The following GPR137B variants were observed in gnomAD, a reference collection of about 807,000 sequenced individuals.
GPR137B encodes G protein-coupled receptor 137B.
A neutral mutation model predicts 42.5 loss-of-function variants in GPR137B; 42 were observed. The ratio of observed to expected loss-of-function variants is 0.99; its 90% confidence interval spans 0.77 to 1.28. The LOEUF is 1.28. Ranked by LOEUF, GPR137B falls within the 50% of genes most tolerant of loss-of-function variation. The pLI is 0.00. For missense variants in GPR137B, 487 were observed against 493.9 expected (o/e 0.99, Z 0.13); for synonymous variants, 218 against 209.7 (o/e 1.04, Z -0.34).
chr1:236,182,988 C>T (rs1012260245), intron 4 of GPR137B, among the ~76,000 whole-genome samples: 1 of 152,060 alleles, frequency 6.6e-6, no homozygotes, highest in Non-Finnish European at 1.5e-5. Context: ...AAGAAGCATG[C>T]GTAGTTTTGG....
intron 5 of GPR137B, among the ~76,000 whole-genome samples, chr1:236,201,103 G>A (rs1360418715): frequency 6.6e-6 from 1 of 151,888 alleles, no homozygotes; most frequent in Non-Finnish European, 1.5e-5. Context: ...TTGTTTTGCT[G>A]GATACAGAAT....
Position 236,142,594 on chromosome 1 carries a change from C to T in GPR137B, c.-29C>T, listed in dbSNP as rs1354269047. The T allele has an allele frequency of 2.3e-6, 3 of 1,283,044 alleles. No individual in the cohort carries two copies. The highest frequency in any genetic ancestry group is 2.9e-4 in the Middle Eastern group (1 of 3,460). The allele number at this position is 1,283,044 out of a possible 1,614,324, so 79.5% of individuals were successfully genotyped here. On this transcript the variant is annotated 5_prime_UTR_variant, in exon 1 of 7. Transcript: ENST00000366592. ...GCTGAGCGCGATGCGCGGAGACCCC[C>T]GCGGGGGCGGCGGCGGCCGTGAGCC... is the stretch of plus-strand genomic sequence containing the variant.
chr1:236,203,235 G>A (rs1437078076), intron 5 of GPR137B, among the ~76,000 whole-genome samples: 1 of 151,942 alleles, frequency 6.6e-6, no homozygotes, highest in Admixed American at 6.5e-5. Flanking sequence ...CCCCCATTTC[G>A]CCCGGCTAAT....
intron 2 of GPR137B, among the ~76,000 whole-genome samples, chr1:236,172,559 C>T (rs1200683135): frequency 6.6e-6 from 1 of 152,064 alleles, no homozygotes; most frequent in Non-Finnish European, 1.5e-5. Context: ...CTTTCTCAGT[C>T]TATGTATTTT....
chr1:236,208,605 ACT>A lies in GPR137B; in HGVS notation c.*448_*449del, dbSNP rs1663738099. The stretch of plus-strand genomic sequence containing the variant: ...TCCACAAATCTTACCTCTTTAGGTC[ACT>A]GATGGTCACTCCGATTCTGAGTGCC... On this transcript the variant is annotated 3_prime_UTR_variant, in exon 7 of 7. Transcript: ENST00000366592. 1 of 983,880 alleles carries A rather than the reference ACT, an allele frequency of 1.0e-6. No homozygotes were observed. The highest frequency in any genetic ancestry group is 1.1e-4 in the East Asian group (1 of 8,842). 60.9% of individuals were successfully genotyped at this position (983,880 alleles called of 1,614,324 possible). A position where few individuals can be genotyped will look rare whatever the true frequency, so the allele number is the denominator to read the frequency against.
chr1:236,191,095 C>T (rs1381686306), intron 5 of GPR137B, among the ~76,000 whole-genome samples: 1 of 151,966 alleles, frequency 6.6e-6, no homozygotes, highest in Non-Finnish European at 1.5e-5. Context: ...TTAAGTTGAT[C>T]TTCAATCTCA....
rs1238877263 is a variant in GPR137B, at chr1:236,142,573, A to G, written c.-50A>G. On this transcript the variant is annotated 5_prime_UTR_variant, in exon 1 of 7. Coordinates refer to ENST00000366592, the MANE Select transcript of GPR137B (RefSeq NM_003272.4). ...CCTCCAGTCTCGGGGCTGCAGGCTG[A>G]GCGCGATGCGCGGAGACCCCCGCGG... 5 of 1,106,462 alleles carry G rather than the reference A, an allele frequency of 4.5e-6. No individual in the cohort carries two copies. The highest frequency in any genetic ancestry group is 5.8e-6 in the Non-Finnish European group (5 of 860,318). 68.5% of individuals were successfully genotyped at this position (1,106,462 alleles called of 1,614,324 possible).
Position 236,205,125 on chromosome 1 carries a change from G to T in GPR137B, c.967-1G>T. ...TGCTGAATGATTACCTGTCTTTCTA[G>T]ACCAACCCTGGAATGGTCCCCAGCC... On this transcript the variant is annotated splice_acceptor_variant, in intron 5 of 6. Transcript: ENST00000366592. LOFTEE classifies it high-confidence loss of function. 1 of 1,612,062 alleles carries T rather than the reference G, an allele frequency of 6.2e-7. No homozygotes were observed. The highest frequency in any genetic ancestry group is 8.5e-7 in the Non-Finnish European group (1 of 1,178,440).
At chr1:236,186,650 C>G (rs944636353) in intron 5 of GPR137B, among the ~76,000 whole-genome samples, 1 of 151,910 alleles carries the variant, frequency 6.6e-6, no homozygotes, top group Non-Finnish European at 1.5e-5. Flanking sequence ...ATCCATGTCC[C>G]TGCAAAGGAC....
In GPR137B at chr1:236,142,646, G is replaced by A. The variant is rs1243829962; in HGVS notation, c.24G>A (p.Pro8=). MRPERPR[P]RGSAPGPMET... ...CGATGAGGCCCGAGCGTCCCCGGCC[G>A]CGCGGCAGCGCCCCCGGCCCGATGG... Residue 8 remains proline, a synonymous_variant, in exon 1 of 7, where the codon CCG becomes CCA. Transcript: ENST00000366592. The A allele has an allele frequency of 4.0e-6, 6 of 1,495,916 alleles. No individual in the cohort carries two copies. The highest frequency in any genetic ancestry group is 2.2e-5 in the Admixed American group (1 of 45,070). The allele number at this position is 1,495,916 out of a possible 1,614,324, so 92.7% of individuals were successfully genotyped here. A position where few individuals can be genotyped will look rare whatever the true frequency, so the allele number is the denominator to read the frequency against.
At chr1:236,151,907 T>C (rs537668040) in intron 1 of GPR137B, among the ~76,000 whole-genome samples, 27 of 152,124 alleles carry the variant, frequency 1.8e-4, no homozygotes, top group African/African-American at 6.5e-4. Flanking sequence ...TCAGAGGTCA[T>C]GTTGTCCCAT....
At chr1:236,174,032 C>A (rs1662618860) in intron 2 of GPR137B, among the ~76,000 whole-genome samples, 1 of 151,962 alleles carries the variant, frequency 6.6e-6, no homozygotes, top group Non-Finnish European at 1.5e-5. Context: ...CAGCATAAAC[C>A]CCCCTCCAGC....
intron 6 of GPR137B, among the ~76,000 whole-genome samples, chr1:236,206,790 T>TATCA (rs754230684): frequency 7.2e-5 from 11 of 151,974 alleles, no homozygotes; most frequent in Non-Finnish European, 1.5e-4. Flanking sequence ...ACCCGATGAC[T>TATCA]ATCATGTTTC....
intron 1 of GPR137B, among the ~76,000 whole-genome samples, chr1:236,166,518 T>A (rs557865757): frequency 5.3e-5 from 7 of 132,964 alleles, no homozygotes; most frequent in African/African-American, 1.9e-4. Context: ...ATATATACAT[T>A]ATATATATTT....
chr1:236,169,594 AAG>A (rs1350326644), intron 2 of GPR137B, among the ~76,000 whole-genome samples: 6 of 152,188 alleles, frequency 3.9e-5, no homozygotes, highest in Admixed American at 6.5e-5. Flanking sequence ...CATTTTGTGG[AAG>A]AGAGGCTTGT....
At chr1:236,186,437 A>T (rs1159118861) in intron 5 of GPR137B, among the ~76,000 whole-genome samples, 1 of 144,704 alleles carries the variant, frequency 6.9e-6, no homozygotes, top group Admixed American at 7.4e-5. Flanking sequence ...TGCTGCACCC[A>T]TCAACCCATC....
rs901976673 is a variant in GPR137B, at chr1:236,155,245, C to T, written c.414+12209C>T. Among the ~76,000 whole-genome samples, 6 of 152,176 alleles carry T rather than the reference C, an allele frequency of 3.9e-5. No homozygotes were observed. The highest frequency in any genetic ancestry group is 2.1e-4 in the South Asian group (1 of 4,832). Reference sequence around the variant, plus strand: ...CCAGGGCGGAGGACACGGGCTGACACGGGCTGTCCCTGGGAAGGAACTTCA... The same window carrying T: ...CCAGGGCGGAGGACACGGGCTGACATGGGCTGTCCCTGGGAAGGAACTTCA... On this transcript the variant is annotated intron_variant, in intron 1 of 6. Transcript: ENST00000366592. The surrounding 1 kb of genome is among the most constrained non-coding windows in gnomAD (Gnocchi z 4.6).
At chr1:236,159,718 A>C (rs970660579) in intron 1 of GPR137B, among the ~76,000 whole-genome samples, 4 of 152,360 alleles carry the variant, frequency 2.6e-5, no homozygotes, top group Non-Finnish European at 5.9e-5. Context: ...CAGGGGGCAG[A>C]GTCCAGCAGC....
intron 5 of GPR137B, among the ~76,000 whole-genome samples, chr1:236,203,030 C>A (rs888850809): frequency 6.6e-6 from 1 of 151,956 alleles, no homozygotes; most frequent in African/African-American, 2.4e-5. Context: ...GGATTTGTTT[C>A]TGGGGTCTCT....
Sources: allele counts gnomAD v4.1 joint callset (sites outside exome capture counted in the v4.1 genomes callset), GRCh38; gene constraint gnomAD v4.1.1; non-coding constraint Gnocchi (gnomAD v3.1); transcripts MANE v1.5; gene names NCBI Gene and HGNC (gene_info 2026-07-23, HGNC 2026-07-21).